Variants in TRAF3 observed in about 807,000 individuals in gnomAD.
TRAF3 encodes TNF receptor associated factor 3, also known as TNF receptor-associated factor 3.
Under a neutral mutation model 62.3 loss-of-function variants are expected in TRAF3, and 13 were observed. That is an observed-to-expected ratio of 0.21 (90% CI 0.14 to 0.33). The LOEUF is 0.33. Ranked by LOEUF, TRAF3 falls within the 10% of genes least tolerant of loss-of-function variation. TRAF3 has a pLI of 1.00. For missense variants in TRAF3, 440 were observed against 741.8 expected, an observed-to-expected ratio of 0.59 and a Z score of 4.73; for synonymous variants, 269 against 283.4, an observed-to-expected ratio of 0.95 and a Z score of 0.51.
At chr14:102,802,015 C>CAA (rs1159987063) in intron 1 of TRAF3, among the ~76,000 whole-genome samples, 56 of 109,286 alleles carry the variant, frequency 5.1e-4, no homozygotes, top group East Asian at 2.0e-3. Context: ...GACTCCATCT[C>CAA]AAAAAAAAAA....
chr14:102,847,359 G>A (rs2139710006), intron 2 of TRAF3, among the ~76,000 whole-genome samples: 1 of 152,200 alleles, frequency 6.6e-6, no homozygotes, highest in Admixed American at 6.5e-5. Context: ...ATTTTTGGTA[G>A]AGATGGCGTT....
At chr14:102,873,694 G>T (rs1426198303) in intron 4 of TRAF3, among the ~76,000 whole-genome samples, 1 of 152,132 alleles carries the variant, frequency 6.6e-6, no homozygotes, top group East Asian at 1.9e-4. Context: ...GAGACATTTT[G>T]AGTAAATAGT....
intron 11 of TRAF3, 104 bp from the exon 12 acceptor site, chr14:102,905,109 C>T: frequency 3.2e-6 from 4 of 1,238,810 alleles, no homozygotes; most frequent in Non-Finnish European, 4.6e-6. Context: ...GAGACTCCGT[C>T]TCAAAAAAAT....
chr14:102,862,432 A>G (rs1004278080), intron 2 of TRAF3, among the ~76,000 whole-genome samples: 2 of 151,252 alleles, frequency 1.3e-5, no homozygotes, highest in Non-Finnish European at 1.5e-5. Flanking sequence ...TTATTGGTTG[A>G]CAGATTTTTT....
chr14:102,804,486 C>T (rs948572323), intron 1 of TRAF3, among the ~76,000 whole-genome samples: 1 of 152,030 alleles, frequency 6.6e-6, no homozygotes, highest in African/African-American at 2.4e-5. Flanking sequence ...CTAAAGCAGC[C>T]TTTTCTTTTT....
intron 1 of TRAF3, among the ~76,000 whole-genome samples, chr14:102,784,215 CTTTTT>C (rs76663820): frequency 6.0e-5 from 7 of 117,642 alleles, no homozygotes; most frequent in East Asian, 2.5e-4. Flanking sequence ...GATGCTTGGC[CTTTTT>C]TTTTTTTTTT....
intron 1 of TRAF3, among the ~76,000 whole-genome samples, chr14:102,820,192 C>T (rs1899806606): frequency 6.6e-6 from 1 of 152,122 alleles, no homozygotes; most frequent in Non-Finnish European, 1.5e-5. Flanking sequence ...AGAAGGGGCA[C>T]TGCATTGTGA....
At chr14:102,878,847 A>T (rs1387145183) in intron 6 of TRAF3, among the ~76,000 whole-genome samples, 1 of 151,378 alleles carries the variant, frequency 6.6e-6, no homozygotes, top group Middle Eastern at 3.2e-3. Flanking sequence ...CAGAACTGGG[A>T]GGGTGAGAGG....
At chr14:102,885,761 C>T (rs938566616) in intron 6 of TRAF3, among the ~76,000 whole-genome samples, 29 of 152,344 alleles carry the variant, frequency 1.9e-4, no homozygotes, top group African/African-American at 6.3e-4. Context: ...CCCTCCGTCT[C>T]TCAACCAGCA....
At chr14:102,818,155 C>T (rs1899652614) in intron 1 of TRAF3, among the ~76,000 whole-genome samples, 1 of 152,186 alleles carries the variant, frequency 6.6e-6, no homozygotes, top group Admixed American at 6.5e-5. Context: ...GTTCTCAAAA[C>T]ACTTTACAAA....
intron 9 of TRAF3, chr14:102,894,923 A>G: frequency 3.0e-6 from 1 of 331,948 alleles, no homozygotes; most frequent in South Asian, 2.4e-5. Context: ...CTGGTCTTCA[A>G]TTCCTTGGGC....
chr14:102,853,235 G>A (rs557403385), intron 2 of TRAF3, among the ~76,000 whole-genome samples: 4 of 151,894 alleles, frequency 2.6e-5, no homozygotes, highest in Middle Eastern at 3.4e-3. Context: ...GAGTTTTGCT[G>A]TGTTGCCAAG....
intron 1 of TRAF3, among the ~76,000 whole-genome samples, chr14:102,799,715 G>T (rs1898283239): frequency 6.6e-6 from 1 of 152,212 alleles, no homozygotes; most frequent in Non-Finnish European, 1.5e-5. Context: ...CATCTCAAGT[G>T]CTGGAATTAC....
intron 6 of TRAF3, among the ~76,000 whole-genome samples, chr14:102,883,072 G>A (rs1323989725): frequency 2.0e-5 from 3 of 152,154 alleles, no homozygotes; most frequent in African/African-American, 7.2e-5. Flanking sequence ...TGGACATTCA[G>A]GCACTCAGTT....
intron 1 of TRAF3, among the ~76,000 whole-genome samples, chr14:102,790,369 C>T (rs974144765): frequency 1.3e-5 from 2 of 152,178 alleles, no homozygotes; most frequent in African/African-American, 4.8e-5. Flanking sequence ...TATTCTGTTG[C>T]TCTGTAAGTC....
At chr14:102,838,096 C>T (rs1203173468) in intron 2 of TRAF3, among the ~76,000 whole-genome samples, 6 of 152,186 alleles carry the variant, frequency 3.9e-5, no homozygotes, top group Non-Finnish European at 5.9e-5. Flanking sequence ...ACCGCTGTGC[C>T]GCTTAGTAAC....
At chr14:102,820,028 C>G (rs1040301751) in intron 1 of TRAF3, among the ~76,000 whole-genome samples, 1 of 152,190 alleles carries the variant, frequency 6.6e-6, no homozygotes, top group Non-Finnish European at 1.5e-5. Context: ...CCTGCCCTCC[C>G]GTGTAGGGGG....
rs1327265541 is a variant in TRAF3, at chr14:102,870,381, G to A, written c.180G>A (p.Leu60=). Residue 60 remains leucine, a synonymous_variant, in exon 3 of 12, where the codon CTG becomes CTA. Coordinates refer to ENST00000392745, the MANE Select transcript of TRAF3 (RefSeq NM_145725.3). Reference sequence around the variant, plus strand: ...AGTGTGAGAAGTGCCACCTGGTGCTGTGCAGCCCGAAGCAGACCGAGTGTG... The same window carrying A: ...AGTGTGAGAAGTGCCACCTGGTGCTATGCAGCCCGAAGCAGACCGAGTGTG... ...KYKCEKCHLV[L]CSPKQTECGH... 1.2e-6 allele frequency: 2 copies of A among 1,614,208 alleles called. No individual in the cohort carries two copies. The highest frequency in any genetic ancestry group is 1.1e-5 in the South Asian group (1 of 91,086).
intron 1 of TRAF3, among the ~76,000 whole-genome samples, chr14:102,788,974 A>G (rs1897645609): frequency 6.6e-6 from 1 of 152,164 alleles, no homozygotes; most frequent in Non-Finnish European, 1.5e-5. Context: ...CTATCTCTTA[A>G]AAAAGAAAAA....
Sources: allele counts gnomAD v4.1 joint callset (sites outside exome capture counted in the v4.1 genomes callset), GRCh38; gene constraint gnomAD v4.1.1; transcripts MANE v1.5; gene names NCBI Gene and HGNC (gene_info 2026-07-23, HGNC 2026-07-21).